The following CAMK2D variants were observed in gnomAD, a reference collection of about 807,000 sequenced individuals.
CAMK2D encodes calcium/calmodulin-dependent protein kinase type II subunit delta.
CAMK2D carries 37 observed loss-of-function variants against 84.0 expected under a neutral mutation model. The ratio of observed to expected loss-of-function variants is 0.44; its 90% CI spans 0.34 to 0.58. The LOEUF is 0.58. CAMK2D is among the 20% of genes least tolerant of loss of function. The probability of loss-of-function intolerance (pLI) is 0.02; values close to 1 mark genes in which losing one functional copy is unlikely to be tolerated. For synonymous variants in CAMK2D, 202 were observed against 212.5 expected (o/e 0.95, Z 0.43); for missense variants, 448 against 652.5 (o/e 0.69, Z 3.41).
chr4:113,611,022 C>A, intron 3 of CAMK2D, among the ~76,000 whole-genome samples: 1 of 147,480 alleles, frequency 6.8e-6, no homozygotes, highest in African/African-American at 2.5e-5. Context: ...CCAAAGATAG[C>A]TATATATATG....
intron 2 of CAMK2D, among the ~76,000 whole-genome samples, chr4:113,739,157 A>C (rs2099587520): frequency 6.6e-6 from 1 of 152,206 alleles, no homozygotes; most frequent in Admixed American, 6.5e-5. Context: ...TCAAAATTTC[A>C]CTGGAAAGAA....
At chr4:113,739,349 C>T (rs780382370) in intron 2 of CAMK2D, among the ~76,000 whole-genome samples, 1 of 152,126 alleles carries the variant, frequency 6.6e-6, no homozygotes, top group African/African-American at 2.4e-5. Flanking sequence ...CTTCCTACCC[C>T]AAAAGCAAAA....
intron 13 of CAMK2D, among the ~76,000 whole-genome samples, chr4:113,506,758 A>G (rs1017474163): frequency 1.3e-5 from 2 of 152,172 alleles, no homozygotes; most frequent in African/African-American, 2.4e-5. Flanking sequence ...ATTCTGAGAT[A>G]CTTTTATTTC....
chr4:113,589,605 A>G (rs1591615786), intron 4 of CAMK2D, among the ~76,000 whole-genome samples: 1 of 152,160 alleles, frequency 6.6e-6, no homozygotes, highest in East Asian at 1.9e-4. Flanking sequence ...CCTGAAAAAG[A>G]CGGAGTTGCC....
rs149752616 is a variant in CAMK2D at position 113,734,287 on chromosome 4, T to G, written c.160+25033A>C. On this transcript the variant is annotated intron_variant, in intron 2 of 20. Transcript: ENST00000511664. ...TACTTTTTTTCTCCTTAACTCTTTC[T>G]AAAATAAAACATTAAATGGGCATGA... Among the ~76,000 whole-genome samples, 801 of 152,254 alleles carry G rather than the reference T, an allele frequency of 5.3e-3. 7 individuals are homozygous for G. The highest frequency in any genetic ancestry group is 0.018 in the African/African-American group (758 of 41,558).
chr4:113,680,956 C>T (rs1461025108), intron 2 of CAMK2D, among the ~76,000 whole-genome samples: 1 of 152,126 alleles, frequency 6.6e-6, no homozygotes, highest in Non-Finnish European at 1.5e-5. Context: ...GACCATTCCC[C>T]TAAATTAGGA....
At chr4:113,505,104 G>T in intron 13 of CAMK2D, 69 bp from the exon 14 acceptor site, 1 of 862,936 alleles carries the variant, frequency 1.2e-6, no homozygotes, top group Non-Finnish European at 1.8e-6. Flanking sequence ...TCTAGATGCA[G>T]CATGTCTACA....
At chr4:113,556,706 C>T (rs2098667285) in intron 4 of CAMK2D, among the ~76,000 whole-genome samples, 1 of 152,126 alleles carries the variant, frequency 6.6e-6, no homozygotes, top group Admixed American at 6.6e-5. Flanking sequence ...CCAAAGACCC[C>T]TGAAGGGAAC....
chr4:113,479,607 A>T lies in CAMK2D; in HGVS notation c.1136-14003T>A, dbSNP rs1032054348. 2.1e-4 allele frequency among the ~76,000 whole-genome samples: 32 copies of T among 152,220 alleles called. 1 individual carries two copies. The highest frequency in any genetic ancestry group is 7.5e-4 in the African/African-American group (31 of 41,456). On this transcript the variant is annotated intron_variant, in intron 16 of 20. Transcript: ENST00000511664. ...ACACCGTCATCTTCACAAACACTTT[A>T]AAAAAACCATCAGTTTCGATTTTAA...
chr4:113,650,607 C>T (rs1020577221), intron 3 of CAMK2D, among the ~76,000 whole-genome samples: 1 of 151,270 alleles, frequency 6.6e-6, no homozygotes, highest in Admixed American at 6.6e-5. Flanking sequence ...CAAAAGATTT[C>T]GAAAAAACAT....
At chr4:113,716,461 C>G (rs991438426) in intron 2 of CAMK2D, among the ~76,000 whole-genome samples, 1 of 151,942 alleles carries the variant, frequency 6.6e-6, no homozygotes. Flanking sequence ...ACCAGCCTCA[C>G]CAACATGGCA....
rs79062911 is a variant in CAMK2D at position 113,723,919 on chromosome 4, T to G, written c.160+35401A>C. On this transcript the variant is annotated intron_variant, in intron 2 of 20. Transcript: ENST00000511664. ...TAATATTTACTTTTTCTTTATGAAG[T>G]GAATAAATTTTATTAATTGCCTTTT... Among the ~76,000 whole-genome samples the G allele has an allele frequency of 7.4e-3, 1,134 of 152,286 alleles. 14 individuals carry two copies. Among genetic ancestry groups the G allele is most frequent in the African/African-American group, 0.025 (1,058 of 41,576 alleles).
intron 4 of CAMK2D, among the ~76,000 whole-genome samples, chr4:113,580,644 T>G (rs1171493183): frequency 6.6e-6 from 1 of 152,150 alleles, no homozygotes; most frequent in Non-Finnish European, 1.5e-5. Context: ...CAAATTCAGG[T>G]GTAAAAACTT....
chr4:113,619,917 G>A (rs920966407), intron 3 of CAMK2D, among the ~76,000 whole-genome samples: 8 of 152,064 alleles, frequency 5.3e-5, no homozygotes, highest in South Asian at 2.1e-4. Context: ...CTGAGAGGCC[G>A]GAGTTTGGCA....
In CAMK2D at chr4:113,723,672, T is replaced by C. The variant is rs543878946; in HGVS notation, c.160+35648A>G. ...AATTTCAAAACTCTGCAAAAAATTA[T>C]ATGTGTGTATATGTATACATATATA... On this transcript the variant is annotated intron_variant, in intron 2 of 20. Transcript: ENST00000511664. Among the ~76,000 whole-genome samples the C allele has an allele frequency of 1.6e-3, 251 of 152,288 alleles. 1 individual carries two copies. The highest frequency in any genetic ancestry group is 5.8e-3 in the African/African-American group (239 of 41,556).
At chr4:113,588,676 C>T (rs2098844936) in intron 4 of CAMK2D, among the ~76,000 whole-genome samples, 1 of 152,160 alleles carries the variant, frequency 6.6e-6, no homozygotes, top group African/African-American at 2.4e-5. Flanking sequence ...AAACCCTTTG[C>T]AAAACAATGC....
At position 113,575,460 on chromosome 4, in the gene CAMK2D, C is replaced by G. The variant is rs77748143; in HGVS notation, c.276-23364G>C. On this transcript the variant is annotated intron_variant, in intron 4 of 20. Coordinates refer to ENST00000511664, the MANE Select transcript of CAMK2D (RefSeq NM_001321571.2). The stretch of plus-strand genomic sequence containing the variant: ...AAATTTCTCTGAATTCTTAAATATG[C>G]AAAATATAATTTTCTTAAAGACCCC... Among the ~76,000 whole-genome samples the G allele has an allele frequency of 2.2e-3, 338 of 152,228 alleles. 11 individuals carry two copies. The East Asian group carries it at 0.062, about 28-fold the overall frequency.
At chr4:113,649,295 C>T (rs114719134) in intron 3 of CAMK2D, among the ~76,000 whole-genome samples, 4 of 152,220 alleles carry the variant, frequency 2.6e-5, no homozygotes, top group East Asian at 1.9e-4. Flanking sequence ...AATCATGAGT[C>T]GACTAAATAA....
intron 12 of CAMK2D, among the ~76,000 whole-genome samples, chr4:113,512,629 G>C (rs2098230762): frequency 6.6e-6 from 1 of 152,168 alleles, no homozygotes; most frequent in Non-Finnish European, 1.5e-5. Context: ...CTGGAGTGCA[G>C]TGGCGTGATC....
Sources: allele counts gnomAD v4.1 joint callset (sites outside exome capture counted in the v4.1 genomes callset), GRCh38; gene constraint gnomAD v4.1.1; transcripts MANE v1.5; gene names NCBI Gene and HGNC (gene_info 2026-07-23, HGNC 2026-07-21).